Variants in SAGE1 observed in about 807,000 individuals in gnomAD.
SAGE1 encodes the protein cancer/testis antigen 14.
Under a neutral mutation model 55.4 loss-of-function variants are expected in SAGE1, and 55 were observed. The observed-to-expected ratio is 0.99, with a 90% CI of 0.80 to 1.24. The LOEUF (loss-of-function observed/expected upper bound fraction) is 1.24. SAGE1 is among the 50% of genes most tolerant of loss of function. The probability of loss-of-function intolerance (pLI) is 0.00; values close to 1 mark genes in which losing one functional copy is unlikely to be tolerated. For synonymous variants in SAGE1, 240 were observed against 244.3 expected (o/e 0.98, Z 0.17); for missense variants, 710 against 704.4 (o/e 1.01, Z -0.09).
rs933038221 is a variant in SAGE1, at chrX:135,912,169, A to G, written c.2522-152A>G. On this transcript the variant is annotated intron_variant, in intron 18 of 19. Transcript: ENST00000370709. ...TAGTGTTCACAATAGTTTCCTTAGT[A>G]ATATACAGATGTCGTGATTTAAGCA... 13 of 1,089,102 alleles carry G rather than the reference A, an allele frequency of 1.2e-5. No homozygotes were observed. In the Admixed American group the frequency reaches 3.9e-4, roughly 33 times the overall value. The allele number at this position is 1,089,102 out of a possible 1,213,427, so 89.8% of individuals were successfully genotyped here.
chrX:135,908,819 A>C (rs782154467), intron 12 of SAGE1, 45 bp from the exon 13 acceptor site: 7 of 1,192,937 alleles, frequency 5.9e-6, no homozygotes, highest in Non-Finnish European at 6.8e-6. Flanking sequence ...TGGGGTTGAC[A>C]TAATGCACGT....
intron 2 of SAGE1, among the ~76,000 whole-genome samples, chrX:135,900,881 T>C (rs1362372528): frequency 1.1e-4 from 12 of 110,735 alleles, no homozygotes; most frequent in African/African-American, 3.9e-4. Context: ...GTGTGGTGGC[T>C]CGCACCTGTA....
intron 5 of SAGE1, among the ~76,000 whole-genome samples, chrX:135,905,686 G>T (rs1203680061): frequency 9.0e-6 from 1 of 111,587 alleles, no homozygotes; most frequent in Non-Finnish European, 1.9e-5. Flanking sequence ...GATAAAAAAT[G>T]AACAAATGGC....
At chrX:135,901,184 G>A (rs2088672457) in intron 2 of SAGE1, among the ~76,000 whole-genome samples, 1 of 104,458 alleles carries the variant, frequency 9.6e-6, no homozygotes, top group Admixed American at 1.0e-4. Flanking sequence ...GATAAAAAAG[G>A]TATTTCTTTT....
chrX:135,908,303 GT>G, intron 11 of SAGE1, 74 bp downstream of exon 11: 1 of 1,081,293 alleles, frequency 9.2e-7, no homozygotes, highest in Non-Finnish European at 1.3e-6. Context: ...GAAGAATGTG[GT>G]TTTATTATAT....
At position 135,910,507 on chromosome X, in the gene SAGE1, C is replaced by T. The variant is rs782069229; in HGVS notation, c.1957C>T (p.Arg653Cys). The change falls in exon 16 of 20, where the codon CGT becomes TGT. Residue 653 changes from arginine (R) to cysteine (C), a missense_variant. By Grantham distance (180) the Arg-to-Cys change is radical. Transcript: ENST00000370709. ...NILSTAPPWL[R>C]HMAAAGISST... ...CTTGTCAACTGCTCCTCCATGGCTT[C>T]GTCATATGGCAGCAGCTGGAATTTC... is the stretch of plus-strand genomic sequence containing the variant. The T allele has an allele frequency of 5.8e-6, 7 of 1,208,208 alleles. No homozygotes were observed. The highest frequency in any genetic ancestry group is 1.8e-5 in the South Asian group (1 of 56,731).
At position 135,910,480 on chromosome X, in the gene SAGE1, A is replaced by G; in HGVS notation, c.1930A>G (p.Ile644Val). Reference protein sequence around the residue: ...INNSQPAPGNILSTAPPWLRH... With the variant: ...INNSQPAPGNVLSTAPPWLRH... The stretch of plus-strand genomic sequence containing the variant: ...TAACAGCCAACCAGCACCTGGTAAC[A>G]TCTTGTCAACTGCTCCTCCATGGCT... The change falls in exon 16 of 20, where the codon ATC (isoleucine) becomes GTC (valine). Residue 644 changes from isoleucine (I) to valine (V), a missense_variant. Ile to Val is a conservative substitution (Grantham distance 29, BLOSUM62 3). Transcript: ENST00000370709. 1 of 1,209,505 alleles carries G rather than the reference A, an allele frequency of 8.3e-7. No individual in the cohort carries two copies.
At position 135,907,741 on chromosome X, in the gene SAGE1, A is replaced by T; in HGVS notation, c.1059A>T (p.Val353=). Residue 353 remains valine (V), a synonymous_variant, in exon 10 of 20, where the codon GTA becomes GTT. Transcript: ENST00000370709. ...ITHNVCEERV[V]NNQPLPSNAL... is the part of the protein sequence containing the mutation. ...ACAATGTCTGTGAAGAGAGAGTGGT[A>T]AATAACCAACCACTACCTAGTAACG... 1 of 1,208,157 alleles carries T rather than the reference A, an allele frequency of 8.3e-7. No homozygotes were observed. Among genetic ancestry groups the T allele is most frequent in the Non-Finnish European group, 1.1e-6 (1 of 892,713 alleles).
chrX:135,907,385 C>T lies in SAGE1; in HGVS notation c.950C>T (p.Ser317Leu), dbSNP rs1556602403. 2.5e-6 allele frequency: 3 copies of T among 1,204,515 alleles called. No individual in the cohort carries two copies. Among genetic ancestry groups the T allele is most frequent in the African/African-American group, 3.5e-5 (2 of 57,065 alleles). Residue 317 changes from serine (S) to leucine (L), a missense_variant, in exon 9 of 20, where the codon TCA (serine) becomes TTA (leucine). Transcript: ENST00000370709. ...NDQPQPNNVL[S>L]TVQPVIIYLT... ...CAACCGCAACCTAATAACGTATTGT[C>T]AACTGTTCAACCAGTGATTATTTAT...
chrX:135,896,802 C>T (rs1225882287), intron 2 of SAGE1, among the ~76,000 whole-genome samples: 2 of 110,708 alleles, frequency 1.8e-5, no homozygotes, highest in Non-Finnish European at 3.8e-5. Flanking sequence ...TCAGGTGATC[C>T]GCCCACCTCG....
chrX:135,910,049 T>C lies in SAGE1; in HGVS notation c.1743T>C (p.Asn581=). The part of the protein sequence containing the change: ...TRDQYATVTH[N]VHEEKIKNGQ... ...TTCCAGATGCTACCGTCACTCACAA[T>C]GTCCATGAAGAGAAGATTAAAAATG... The change falls in exon 15 of 20, where the codon AAT becomes AAC. Residue 581 remains asparagine, a synonymous_variant. Coordinates refer to ENST00000370709, the MANE Select transcript of SAGE1 (RefSeq NM_001381902.1). The C allele has an allele frequency of 8.3e-7, 1 of 1,209,956 alleles. No homozygotes were observed. The highest frequency in any genetic ancestry group is 1.1e-6 in the Non-Finnish European group (1 of 894,338).
chrX:135,899,936 C>T (rs782267838), intron 2 of SAGE1, among the ~76,000 whole-genome samples: 6 of 110,986 alleles, frequency 5.4e-5, no homozygotes, highest in Non-Finnish European at 1.1e-4. Flanking sequence ...ATGTCATCTG[C>T]AAACAAAGGT....
At chrX:135,898,557 A>G (rs781834465) in intron 2 of SAGE1, among the ~76,000 whole-genome samples, 1 of 112,009 alleles carries the variant, frequency 8.9e-6, no homozygotes, top group African/African-American at 3.2e-5. Context: ...TAGATCTTTC[A>G]GGAATCACCA....
Position 135,908,995 on chromosome X carries a change from A to G in SAGE1, c.1573A>G (p.Lys525Glu). 8.3e-7 allele frequency: 1 copy of G among 1,208,373 alleles called. No individual in the cohort carries two copies. Among genetic ancestry groups the G allele is most frequent in the Non-Finnish European group, 1.1e-6 (1 of 892,739 alleles). ...AGGTGGTATTCCATCCATGAGTACC[A>G]AGGATCTGTGTATGTCTGTTAATTA... Reference protein sequence around the residue: ...AAGGIPSMSTKDLYATVTQNV... With the variant: ...AAGGIPSMSTEDLYATVTQNV... The change falls in exon 13 of 20, where the codon AAG becomes GAG. Residue 525 changes from lysine (K) to glutamate (E), a missense_variant. By Grantham distance (56) the Lys-to-Glu change is moderately conservative. Coordinates refer to ENST00000370709, the MANE Select transcript of SAGE1 (RefSeq NM_001381902.1).
At chrX:135,909,452 GC>G (rs2088855469) in intron 13 of SAGE1, among the ~76,000 whole-genome samples, 186 bp from the exon 14 acceptor site, 1 of 111,403 alleles carries the variant, frequency 9.0e-6, no homozygotes, top group Non-Finnish European at 1.9e-5. Flanking sequence ...GCAGTGTCAT[GC>G]AGGGAAGAAG....
At chrX:135,911,430 A>T (rs4829798) in intron 17 of SAGE1, 98 bp downstream of exon 17, 1 of 1,015,667 alleles carries the variant, frequency 9.8e-7, no homozygotes, top group Non-Finnish European at 1.4e-6. Flanking sequence ...TATCTTACTC[A>T]AACTTAGTTT....
intron 2 of SAGE1, among the ~76,000 whole-genome samples, chrX:135,897,243 T>G (rs1245518203): frequency 8.9e-6 from 1 of 112,257 alleles, no homozygotes; most frequent in African/African-American, 3.2e-5. Context: ...GAGAGAGACT[T>G]ACTAACTTCA....
chrX:135,908,477 A>G lies in SAGE1; in HGVS notation c.1301A>G (p.Tyr434Cys). ...CTCGACCTCTTTATTTGGTTTCTAG[A>G]TGCTACCGTCAATCACCATGTCCAT... Reference protein sequence around the residue: ...GIPPMSTRDQYATVNHHVHEA... With the variant: ...GIPPMSTRDQCATVNHHVHEA... The change falls in exon 12 of 20, where the codon TAT becomes TGT. Residue 434 changes from tyrosine (Y) to cysteine (C), a missense_variant and splice_region_variant. Coordinates refer to ENST00000370709, the MANE Select transcript of SAGE1 (RefSeq NM_001381902.1). 1 of 1,199,914 alleles carries G rather than the reference A, an allele frequency of 8.3e-7. No individual in the cohort carries two copies. Among genetic ancestry groups the G allele is most frequent in the Non-Finnish European group, 1.1e-6 (1 of 891,163 alleles).
rs1295657392 is a variant in SAGE1, at chrX:135,912,856, C to T, written c.2674C>T (p.His892Tyr). ...GAAGGCGCTTAAAGAAATAGATTCC[C>T]ACTGCCATCTCAGAAAAGTTAAGCA... ...LEKALKEIDS[H>Y]CHLRKVKHMR... Residue 892 changes from histidine (H) to tyrosine (Y), a missense_variant, in exon 20 of 20, where the codon CAC becomes TAC. Physicochemically the swap from His to Tyr is moderately conservative, Grantham distance 83 (BLOSUM62 2). Coordinates refer to ENST00000370709, the MANE Select transcript of SAGE1 (RefSeq NM_001381902.1). 1 of 1,206,267 alleles carries T rather than the reference C, an allele frequency of 8.3e-7. No homozygotes were observed. Among genetic ancestry groups the T allele is most frequent in the African/African-American group, 1.8e-5 (1 of 56,986 alleles).
Sources: gnomAD v4.1 joint callset for allele counts (sites outside exome capture counted in the v4.1 genomes callset) on GRCh38, gnomAD v4.1.1 for gene constraint, MANE v1.5 for transcripts, NCBI Gene and HGNC (gene_info 2026-07-23, HGNC 2026-07-21) for gene names.